Variants in MED13L observed in about 807,000 individuals in gnomAD.
The protein encoded by MED13L is mediator of RNA polymerase II transcription subunit 13-like.
In MED13L, 7 loss-of-function variants were observed where a neutral mutation model predicts 220.9. The observed-to-expected ratio is 0.03, with a 90% CI of 0.02 to 0.06. MED13L has a LOEUF of 0.06. Among genes scored for constraint, MED13L ranks in the 10% least tolerant of loss-of-function variants. The pLI is 1.00. For synonymous variants in MED13L, 1,011 were observed against 1,015.2 expected (o/e 1.00, Z 0.08); for missense variants, 1,965 against 2,760.5 (o/e 0.71, Z 6.46).
In MED13L at chr12:116,133,389, A is replaced by C. The variant is rs145959447; in HGVS notation, c.311-21877T>G. ...AAGAGGAGCAACAGGAAGTGCTAAC[A>C]ATCTGGAAACAGCCTGTGCCTGAAG... On this transcript the variant is annotated intron_variant, in intron 2 of 30. Coordinates refer to ENST00000281928, the MANE Select transcript of MED13L (RefSeq NM_015335.5). Among the ~76,000 whole-genome samples the C allele has an allele frequency of 1.2e-4, 18 of 152,298 alleles. No homozygotes were observed. In the East Asian group the frequency reaches 3.5e-3, roughly 29 times the overall value.
intron 22 of MED13L, among the ~76,000 whole-genome samples, chr12:115,981,162 C>T (rs994162701): frequency 2.0e-5 from 3 of 152,182 alleles, no homozygotes; most frequent in Admixed American, 6.5e-5. Context: ...AAAAGATGTA[C>T]GATTATGTTG....
chr12:115,981,204 T>C (rs1877305284), intron 22 of MED13L, among the ~76,000 whole-genome samples: 1 of 152,234 alleles, frequency 6.6e-6, no homozygotes, highest in Admixed American at 6.5e-5. Flanking sequence ...GAAACTACCA[T>C]GTTCCCACTT....
Position 116,181,882 on chromosome 12 carries a change from T to C in MED13L, c.310+55586A>G, listed in dbSNP as rs971032627. On this transcript the variant is annotated intron_variant, in intron 2 of 30. Transcript: ENST00000281928. ...CTTAAGATTACATTTCTTCAAACTA[T>C]GATTTTGTTTAAAATTGGAGCACTA... Among the ~76,000 whole-genome samples, 63 of 152,334 alleles carry C rather than the reference T, an allele frequency of 4.1e-4. 1 individual carries two copies. The highest frequency in any genetic ancestry group is 3.4e-3 in the Middle Eastern group (1 of 294).
rs538905404 is a variant in MED13L, at chr12:116,207,231, G to A, written c.310+30237C>T. On this transcript the variant is annotated intron_variant, in intron 2 of 30. Coordinates refer to ENST00000281928, the MANE Select transcript of MED13L (RefSeq NM_015335.5). ...GCCCAAACTGGTCTCAAACTCATGG[G>A]CTCGAAAGATTCTCCTGCCTCACCC... Among the ~76,000 whole-genome samples, 3 of 151,992 alleles carry A rather than the reference G, an allele frequency of 2.0e-5. No homozygotes were observed. In the South Asian group the frequency reaches 6.2e-4, roughly 32 times the overall value.
intron 13 of MED13L, among the ~76,000 whole-genome samples, chr12:116,004,480 G>GA (rs75236771): frequency 1.1e-4 from 16 of 150,050 alleles, no homozygotes; most frequent in Non-Finnish European, 1.5e-4. Context: ...TATCAGACTG[G>GA]AAAAAAAAAT....
At chr12:115,981,522 A>G (rs1319840344) in intron 22 of MED13L, among the ~76,000 whole-genome samples, 1 of 152,236 alleles carries the variant, frequency 6.6e-6, no homozygotes, top group Non-Finnish European at 1.5e-5. Flanking sequence ...TCAAAGGTGC[A>G]GTGAAAATAA....
chr12:116,203,620 G>A (rs1882139098), intron 2 of MED13L, among the ~76,000 whole-genome samples: 1 of 152,028 alleles, frequency 6.6e-6, no homozygotes, highest in Admixed American at 6.5e-5. Flanking sequence ...AGGAGTTCGA[G>A]ACCAGCCTGG....
intron 4 of MED13L, among the ~76,000 whole-genome samples, chr12:116,031,337 T>C (rs1350679641): frequency 6.6e-6 from 1 of 151,940 alleles, no homozygotes; most frequent in Non-Finnish European, 1.5e-5. Context: ...CCAAGCACTT[T>C]GGGAGGCAGA....
chr12:115,965,293 A>G (rs1876069561), intron 29 of MED13L, among the ~76,000 whole-genome samples: 1 of 152,238 alleles, frequency 6.6e-6, no homozygotes, highest in Admixed American at 6.5e-5. Context: ...AGTTGATTCA[A>G]TCAGTCCCTC....
intron 26 of MED13L, 72 bp from the exon 27 acceptor site, chr12:115,970,842 C>G (rs1876532602): frequency 1.4e-6 from 2 of 1,413,518 alleles, no homozygotes; most frequent in Non-Finnish European, 2.0e-6. Context: ...AGGGCCTGAT[C>G]TGGAGTGGTA....
At chr12:116,055,072 C>G (rs900184286) in intron 4 of MED13L, among the ~76,000 whole-genome samples, 11 of 152,206 alleles carry the variant, frequency 7.2e-5, no homozygotes, top group South Asian at 2.1e-4. Context: ...CAAAACTCAG[C>G]ATAAAGTATA....
intron 4 of MED13L, among the ~76,000 whole-genome samples, chr12:116,029,716 T>C (rs114124213): frequency 2.1e-3 from 322 of 152,270 alleles, no homozygotes; most frequent in Non-Finnish European, 3.3e-3. Flanking sequence ...ACAGCCACAC[T>C]GGTATGCAAT....
At chr12:116,062,618 GCT>G (rs1056194257) in intron 4 of MED13L, among the ~76,000 whole-genome samples, 1 of 151,494 alleles carries the variant, frequency 6.6e-6, no homozygotes, top group African/African-American at 2.4e-5. Flanking sequence ...CTCCTGAGTA[GCT>G]GGCACTATAG....
intron 4 of MED13L, among the ~76,000 whole-genome samples, chr12:116,044,019 A>G (rs1881686103): frequency 6.6e-6 from 1 of 152,224 alleles, no homozygotes; most frequent in Admixed American, 6.5e-5. Flanking sequence ...TTCTCTAAAC[A>G]AATGTGTCAA....
intron 1 of MED13L, among the ~76,000 whole-genome samples, chr12:116,255,550 A>G (rs74849893): frequency 0.062 from 9,429 of 152,250 alleles, 364 homozygotes; most frequent in African/African-American, 0.1. Context: ...AGCTTTTGTT[A>G]TTCAAAGAAG....
chr12:116,240,066 C>CT (rs1456755958), intron 1 of MED13L, among the ~76,000 whole-genome samples: 5 of 151,984 alleles, frequency 3.3e-5, no homozygotes, highest in Non-Finnish European at 7.4e-5. Flanking sequence ...ATTTCTTTCA[C>CT]TTTGAGTTGT....
At chr12:116,221,719 A>C (rs999347805) in intron 2 of MED13L, among the ~76,000 whole-genome samples, 3 of 152,218 alleles carry the variant, frequency 2.0e-5, no homozygotes, top group Non-Finnish European at 4.4e-5. Context: ...CTGGAACAAT[A>C]ATCTTTGTTA....
chr12:116,007,179 G>A, intron 11 of MED13L: 2 of 574,138 alleles, frequency 3.5e-6, no homozygotes, highest in Non-Finnish European at 6.3e-6. Context: ...GCTATAGCCT[G>A]GAAAATATGA....
chr12:115,960,312 C>T lies in MED13L; in HGVS notation c.*954G>A, dbSNP rs1875681218. On this transcript the variant is annotated 3_prime_UTR_variant, in exon 31 of 31. Coordinates refer to ENST00000281928, the MANE Select transcript of MED13L (RefSeq NM_015335.5). Reference sequence around the variant, plus strand: ...AAGAATTCACTAGAAAATATATTTCCGTTGTGACTATATAAAACTAATTAA... The same window carrying T: ...AAGAATTCACTAGAAAATATATTTCTGTTGTGACTATATAAAACTAATTAA... 6.6e-6 allele frequency: 1 copy of T among 152,554 alleles called. No homozygotes were observed. Among genetic ancestry groups the T allele is most frequent in the African/African-American group, 2.4e-5 (1 of 41,428 alleles). The allele number at this position is 152,554 out of a possible 1,614,324, so 9.5% of individuals were successfully genotyped here.
Sources: allele counts gnomAD v4.1 joint callset (sites outside exome capture counted in the v4.1 genomes callset), GRCh38; gene constraint gnomAD v4.1.1; transcripts MANE v1.5; gene names NCBI Gene and HGNC (gene_info 2026-07-23, HGNC 2026-07-21).